KHDRBS2: variants seen among roughly 807,000 people sequenced by gnomAD.
KHDRBS2 encodes KH domain-containing, RNA-binding, signal transduction-associated protein 2.
Under a neutral mutation model 44.3 loss-of-function variants are expected in KHDRBS2, and 26 were observed. The ratio of observed to expected loss-of-function variants is 0.59; its 90% CI spans 0.43 to 0.81. The LOEUF is 0.81. Among genes scored for constraint, KHDRBS2 ranks in the 40% least tolerant of loss-of-function variants. KHDRBS2 has a pLI of 0.00. For missense variants in KHDRBS2, 476 were observed against 433.1 expected, an observed-to-expected ratio of 1.10 and a Z score of -0.88; for synonymous variants, 194 against 151.1, an observed-to-expected ratio of 1.28 and a Z score of -2.08.
intron 1 of KHDRBS2, among the ~76,000 whole-genome samples, chr6:62,228,709 C>T (rs1463394105): frequency 1.3e-5 from 2 of 152,044 alleles, no homozygotes; most frequent in Admixed American, 6.6e-5. Flanking sequence ...TTAGCTGTGT[C>T]CCAGCTAATC....
intron 4 of KHDRBS2, among the ~76,000 whole-genome samples, chr6:61,917,271 A>C (rs1485010874): frequency 2.0e-5 from 3 of 151,918 alleles, no homozygotes; most frequent in African/African-American, 7.2e-5. Flanking sequence ...CAATAAAAAT[A>C]AATGAGTTTG....
At chr6:62,057,446 C>G (rs528734060) in intron 2 of KHDRBS2, among the ~76,000 whole-genome samples, 1 of 152,056 alleles carries the variant, frequency 6.6e-6, no homozygotes, top group East Asian at 2.0e-4. Flanking sequence ...AACTAGTCAA[C>G]ACAAAAGTTG....
the KHDRBS2 span, among the ~76,000 whole-genome samples, chr6:61,660,505 G>A: frequency 3.3e-5 from 5 of 151,754 alleles, no homozygotes; most frequent in East Asian, 9.7e-4. Context: ...AAATGTAAGT[G>A]TAATTTATAC....
intron 6 of KHDRBS2, among the ~76,000 whole-genome samples, chr6:61,824,543 T>C (rs751064549): frequency 3.9e-5 from 6 of 152,140 alleles, no homozygotes; most frequent in Non-Finnish European, 7.4e-5. Context: ...GGTAGTTCTT[T>C]ATAGCAGTGT....
chr6:61,668,931 T>A, the KHDRBS2 span, among the ~76,000 whole-genome samples: 1 of 151,034 alleles, frequency 6.6e-6, no homozygotes, highest in South Asian at 2.1e-4. Context: ...ATGCTGTTAG[T>A]AAACAAATAA....
the KHDRBS2 span, among the ~76,000 whole-genome samples, chr6:61,562,106 CA>C: frequency 1.3e-5 from 2 of 152,104 alleles, no homozygotes; most frequent in Non-Finnish European, 2.9e-5. Flanking sequence ...AATTTGACAT[CA>C]TATATTCAGT....
intron 2 of KHDRBS2, among the ~76,000 whole-genome samples, chr6:62,071,622 G>C (rs1169963072): frequency 6.6e-6 from 1 of 152,010 alleles, no homozygotes; most frequent in Non-Finnish European, 1.5e-5. Context: ...GCTTGCTTTT[G>C]TCAGGTTTGT....
At chr6:61,840,944 C>T (rs1379996523) in intron 6 of KHDRBS2, among the ~76,000 whole-genome samples, 1 of 151,990 alleles carries the variant, frequency 6.6e-6, no homozygotes, top group Admixed American at 6.6e-5. Context: ...CACTGGAGGC[C>T]AACTGTTTCA....
intron 6 of KHDRBS2, among the ~76,000 whole-genome samples, chr6:61,773,869 C>G (rs1401442641): frequency 6.7e-6 from 1 of 150,140 alleles, no homozygotes; most frequent in Non-Finnish European, 1.5e-5. Context: ...TATGGCTAGC[C>G]AGTTTTCCCA....
the KHDRBS2 span, among the ~76,000 whole-genome samples, chr6:61,580,074 G>A: frequency 6.6e-6 from 1 of 152,060 alleles, no homozygotes. Flanking sequence ...AATGAGAAAG[G>A]CTTCTTCTTG....
At chr6:61,559,067 C>G in the KHDRBS2 span, among the ~76,000 whole-genome samples, 1 of 151,982 alleles carries the variant, frequency 6.6e-6, no homozygotes, top group Non-Finnish European at 1.5e-5. Flanking sequence ...CTCACTAGCT[C>G]TAATATTTGT....
At chr6:62,024,127 A>T (rs1782852869) in intron 3 of KHDRBS2, among the ~76,000 whole-genome samples, 1 of 151,366 alleles carries the variant, frequency 6.6e-6, no homozygotes, top group Non-Finnish European at 1.5e-5. Flanking sequence ...AATTACCAAT[A>T]GAATTTATAA....
intron 1 of KHDRBS2, among the ~76,000 whole-genome samples, chr6:62,228,603 A>C (rs569781542): frequency 6.6e-6 from 1 of 151,778 alleles, no homozygotes; most frequent in Non-Finnish European, 1.5e-5. Context: ...TTGCTTCTTT[A>C]GTTCTTTTAA....
chr6:61,551,217 G>GT, the KHDRBS2 span, among the ~76,000 whole-genome samples: 3 of 152,116 alleles, frequency 2.0e-5, no homozygotes, highest in South Asian at 6.2e-4. Context: ...GGGGTTGATT[G>GT]TTTTTTGCTT....
At chr6:61,943,940 T>C (rs1812669755) in intron 4 of KHDRBS2, among the ~76,000 whole-genome samples, 1 of 151,986 alleles carries the variant, frequency 6.6e-6, no homozygotes, top group African/African-American at 2.4e-5. Flanking sequence ...GAAATGCAAA[T>C]GAAAACCACA....
At chr6:62,111,633 C>T (rs1805010291) in intron 2 of KHDRBS2, among the ~76,000 whole-genome samples, 1 of 152,216 alleles carries the variant, frequency 6.6e-6, no homozygotes, top group Non-Finnish European at 1.5e-5. Context: ...CAGCAGCTCA[C>T]ACATGTAATC....
the KHDRBS2 span, among the ~76,000 whole-genome samples, chr6:61,552,378 G>T: frequency 7.9e-5 from 12 of 151,996 alleles, no homozygotes; most frequent in Non-Finnish European, 1.2e-4. Context: ...CTAAAACTTT[G>T]CTGAAGTTAT....
Position 61,757,922 on chromosome 6 carries a change from T to C in KHDRBS2, c.811-25158A>G, listed in dbSNP as rs538866441. Among the ~76,000 whole-genome samples the C allele has an allele frequency of 3.3e-5, 5 of 152,276 alleles. No homozygotes were observed. The South Asian group carries it at 1.0e-3, about 32-fold the overall frequency. On this transcript the variant is annotated intron_variant, in intron 6 of 8. Coordinates refer to ENST00000281156, the MANE Select transcript of KHDRBS2 (RefSeq NM_152688.4). The stretch of plus-strand genomic sequence containing the variant: ...GTCCTGTGCGAATGCTGGACACAAT[T>C]ACCTCTGATATTTTAGGCAGTCATT...
chr6:61,798,248 G>A (rs752369368), intron 6 of KHDRBS2, among the ~76,000 whole-genome samples: 3 of 152,062 alleles, frequency 2.0e-5, no homozygotes, highest in Non-Finnish European at 2.9e-5. Context: ...ATTAGTCTAT[G>A]TTTGTAGTTC....
Sources: allele counts gnomAD v4.1 joint callset (sites outside exome capture counted in the v4.1 genomes callset), GRCh38; gene constraint gnomAD v4.1.1; transcripts MANE v1.5; gene names NCBI Gene and HGNC (gene_info 2026-07-23, HGNC 2026-07-21).